SETBP1: variants seen among roughly 807,000 people sequenced by gnomAD.
The protein encoded by SETBP1 is SET-binding protein.
In SETBP1, 9 loss-of-function variants were observed where a neutral mutation model predicts 101.0. The ratio of observed to expected loss-of-function variants is 0.09; its 90% CI spans 0.05 to 0.16. The LOEUF (loss-of-function observed/expected upper bound fraction) is 0.16, where lower values mean the gene tolerates loss of function less well. Ranked by LOEUF, SETBP1 falls within the 10% of genes least tolerant of loss-of-function variation. The pLI is 1.00. For missense variants in SETBP1, 1,858 were observed against 2,033.8 expected (o/e 0.91, Z 1.66); for synonymous variants, 818 against 788.5 (o/e 1.04, Z -0.63).
chr18:44,796,633 T>G (rs780254096), intron 2 of SETBP1, among the ~76,000 whole-genome samples: 11 of 152,200 alleles, frequency 7.2e-5, no homozygotes, highest in Non-Finnish European at 1.3e-4. Context: ...GGAGTGGAAG[T>G]GACAGGCAAT....
At chr18:44,888,374 G>T (rs1379944439) in intron 3 of SETBP1, among the ~76,000 whole-genome samples, 1 of 152,084 alleles carries the variant, frequency 6.6e-6, no homozygotes, top group African/African-American at 2.4e-5. Flanking sequence ...GCTCAGGTCA[G>T]TGCTTGGAGG....
chr18:44,911,986 GA>G (rs1363176882), intron 3 of SETBP1, among the ~76,000 whole-genome samples: 2 of 152,054 alleles, frequency 1.3e-5, no homozygotes, highest in Admixed American at 6.6e-5. Context: ...GGCAGTAGGT[GA>G]CAATTAATAT....
chr18:44,729,960 G>A (rs1245472538), intron 2 of SETBP1, among the ~76,000 whole-genome samples: 2 of 152,194 alleles, frequency 1.3e-5, no homozygotes, highest in African/African-American at 4.8e-5. Context: ...AGCCAGTGAA[G>A]AAGATGCAGA....
At position 45,064,798 on chromosome 18, in the gene SETBP1, A is replaced by G. The variant is rs1181101973; in HGVS notation, c.*1100A>G. The G allele has an allele frequency of 6.8e-6, 1 of 147,810 alleles. No individual in the cohort carries two copies. The highest frequency in any genetic ancestry group is 2.5e-5 in the African/African-American group (1 of 39,586). The allele number at this position is 147,810 out of a possible 1,614,324, so 9.2% of individuals were successfully genotyped here. A position where few individuals can be genotyped will look rare whatever the true frequency, so the allele number is the denominator to read the frequency against. ...GATCTTTTTCATTCAAATAATTGTCATAGGTTGTTCAAAAAAAAAAAAAAA... is the reference window on the plus strand; with the variant it reads ...GATCTTTTTCATTCAAATAATTGTCGTAGGTTGTTCAAAAAAAAAAAAAAA... On this transcript the variant is annotated 3_prime_UTR_variant, in exon 6 of 6. Transcript: ENST00000649279.
At position 44,952,087 on chromosome 18, in the gene SETBP1, G is replaced by T. The variant is rs1441502196; in HGVS notation, c.2747G>T (p.Gly916Val). The T allele has an allele frequency of 3.7e-6, 6 of 1,614,026 alleles. 1 individual carries two copies. In the South Asian group the frequency reaches 6.6e-5, roughly 18 times the overall value. ...PSDTSTKNRH[G>V]HRQKHLIVDN... Reference sequence around the variant, plus strand: ...GACACCAGCACAAAGAACCGGCATGGCCACCGGCAAAAGCATCTCATTGTG... The same window carrying T: ...GACACCAGCACAAAGAACCGGCATGTCCACCGGCAAAAGCATCTCATTGTG... The change falls in exon 4 of 6, where the codon GGC becomes GTC. Residue 916 changes from glycine (G) to valine (V), a missense_variant. Physicochemically the swap from Gly to Val is moderately radical, Grantham distance 109. Coordinates refer to ENST00000649279, the MANE Select transcript of SETBP1 (RefSeq NM_015559.3).
At chr18:44,685,349 A>G (rs2068819534) in intron 1 of SETBP1, among the ~76,000 whole-genome samples, 1 of 152,202 alleles carries the variant, frequency 6.6e-6, no homozygotes. Flanking sequence ...ATATCTTTAT[A>G]TGGCTTCCGC....
At chr18:44,760,823 C>A (rs2070622574) in intron 2 of SETBP1, among the ~76,000 whole-genome samples, 1 of 152,006 alleles carries the variant, frequency 6.6e-6, no homozygotes, top group Admixed American at 6.6e-5. Flanking sequence ...GTGATTTCCA[C>A]CATGCCATCT....
At chr18:44,958,348 T>C (rs1212882500) in intron 4 of SETBP1, among the ~76,000 whole-genome samples, 1 of 152,208 alleles carries the variant, frequency 6.6e-6, no homozygotes, top group East Asian at 1.9e-4. Context: ...ACTTAGCCAT[T>C]GGATTTCTCC....
At chr18:44,719,646 G>A (rs1389603508) in intron 2 of SETBP1, among the ~76,000 whole-genome samples, 1 of 152,202 alleles carries the variant, frequency 6.6e-6, no homozygotes, top group Non-Finnish European at 1.5e-5. Flanking sequence ...CACCTCCAGG[G>A]AAGAGCAGGT....
At chr18:45,062,124 T>C (rs1199170447) in intron 5 of SETBP1, among the ~76,000 whole-genome samples, 6 of 152,256 alleles carry the variant, frequency 3.9e-5, no homozygotes, top group Non-Finnish European at 7.3e-5. Context: ...GTTGGCTATA[T>C]CTTGAAGCCA....
rs558201964 is a variant in SETBP1, at chr18:44,842,365, A to C, written c.487-26865A>C. Among the ~76,000 whole-genome samples the C allele has an allele frequency of 1.7e-4, 26 of 152,308 alleles. No homozygotes were observed. The South Asian group carries it at 5.2e-3, about 30-fold the overall frequency. On this transcript the variant is annotated intron_variant, in intron 2 of 5. Coordinates refer to ENST00000649279, the MANE Select transcript of SETBP1 (RefSeq NM_015559.3). ...TTATGAACCATTTACTTCCTCTTTT[A>C]AAAGCATTGTTAAATCACAACCAAA...
intron 3 of SETBP1, among the ~76,000 whole-genome samples, chr18:44,917,483 T>C: frequency 6.6e-6 from 1 of 152,176 alleles, no homozygotes; most frequent in East Asian, 1.9e-4. Flanking sequence ...GCTTTAAAAT[T>C]TTTTTAACCC....
At chr18:44,761,084 C>T (rs2070630457) in intron 2 of SETBP1, among the ~76,000 whole-genome samples, 1 of 152,138 alleles carries the variant, frequency 6.6e-6, no homozygotes, top group African/African-American at 2.4e-5. Flanking sequence ...ACCACAAAAT[C>T]AGCCGTGCTA....
chr18:45,005,643 CTTTTTTTTTT>C (rs11301319), intron 4 of SETBP1, among the ~76,000 whole-genome samples: 1 of 116,228 alleles, frequency 8.6e-6, no homozygotes, highest in African/African-American at 3.4e-5. Context: ...TAAAATCTTC[CTTTTTTTTTT>C]TTTTTTTTTT....
intron 2 of SETBP1, among the ~76,000 whole-genome samples, chr18:44,788,375 C>T (rs142342671): frequency 2.3e-4 from 35 of 152,222 alleles, no homozygotes; most frequent in African/African-American, 7.5e-4. Context: ...ATATGTCACC[C>T]GACAGCAGCT....
At chr18:44,712,718 T>C (rs2069372091) in intron 2 of SETBP1, among the ~76,000 whole-genome samples, 1 of 152,054 alleles carries the variant, frequency 6.6e-6, no homozygotes. Context: ...TGCGTGCTAT[T>C]GGATCATGAA....
intron 3 of SETBP1, among the ~76,000 whole-genome samples, chr18:44,873,423 G>A (rs2069324362): frequency 6.6e-6 from 1 of 152,198 alleles, no homozygotes; most frequent in African/African-American, 2.4e-5. Context: ...GTGAGGTATT[G>A]TTTCTTCCAT....
In SETBP1 at chr18:44,742,709, C is replaced by A. The variant is rs188408008; in HGVS notation, c.486+40877C>A. Reference sequence around the variant, plus strand: ...ATGTCTGTGGGGAGGGCCAGCCTGCCTCTGTGTCCTTAGCAACCTCCAGGG... The same window carrying A: ...ATGTCTGTGGGGAGGGCCAGCCTGCATCTGTGTCCTTAGCAACCTCCAGGG... On this transcript the variant is annotated intron_variant, in intron 2 of 5. Coordinates refer to ENST00000649279, the MANE Select transcript of SETBP1 (RefSeq NM_015559.3). 2.9e-3 allele frequency among the ~76,000 whole-genome samples: 442 copies of A among 152,282 alleles called. 2 individuals are homozygous for A. Among genetic ancestry groups the A allele is most frequent in the Non-Finnish European group, 4.4e-3 (297 of 68,016 alleles).
Position 44,950,562 on chromosome 18 carries a change from G to T in SETBP1, c.1222G>T (p.Ala408Ser), listed in dbSNP as rs1468549146. The T allele has an allele frequency of 3.1e-6, 5 of 1,613,868 alleles. No homozygotes were observed. Among genetic ancestry groups the T allele is most frequent in the Admixed American group, 1.7e-5 (1 of 59,998 alleles). ...TGTCCGGATTACTATCCCCATCAAG[G>T]CACCCTCTCTGGATCCAACCAACCA... ...SHVRITIPIK[A>S]PSLDPTNHKR... The change falls in exon 4 of 6, where the codon GCA (alanine) becomes TCA (serine). Residue 408 changes from alanine (A) to serine (S), a missense_variant. Transcript: ENST00000649279.
Sources: gnomAD v4.1 joint callset for allele counts (sites outside exome capture counted in the v4.1 genomes callset) on GRCh38, gnomAD v4.1.1 for gene constraint, MANE v1.5 for transcripts, NCBI Gene and HGNC (gene_info 2026-07-23, HGNC 2026-07-21) for gene names.